The following CDH18 variants were observed in gnomAD, a reference collection of about 807,000 sequenced individuals.
CDH18 encodes the protein cadherin 18.
In CDH18, 31 loss-of-function variants were observed where a neutral mutation model predicts 67.9. The ratio of observed to expected loss-of-function variants is 0.46; its 90% CI spans 0.34 to 0.62. The LOEUF (loss-of-function observed/expected upper bound fraction) is 0.62, where lower values mean the gene tolerates loss of function less well. Ranked by LOEUF, CDH18 falls within the 20% of genes least tolerant of loss-of-function variation. CDH18 has a pLI of 0.01. For missense variants in CDH18, 890 were observed against 975.5 expected (o/e 0.91, Z 1.17); for synonymous variants, 362 against 347.2 (o/e 1.04, Z -0.48).
chr5:19,951,029 T>C (rs1465008593), intron 2 of CDH18, among the ~76,000 whole-genome samples: 3 of 152,180 alleles, frequency 2.0e-5, no homozygotes, highest in Admixed American at 6.6e-5. Context: ...GTTTATCTCA[T>C]GTTCTCATGG....
At chr5:19,857,717 T>C (rs1474379076) in intron 2 of CDH18, among the ~76,000 whole-genome samples, 1 of 152,134 alleles carries the variant, frequency 6.6e-6, no homozygotes, top group Non-Finnish European at 1.5e-5. Context: ...CAACAGAATA[T>C]ATGTTAATAA....
At position 20,358,433 on chromosome 5, in the gene CDH18, G is replaced by T. The variant is rs753160228; in HGVS notation, c.-579-102928C>A. 9.2e-4 allele frequency among the ~76,000 whole-genome samples: 140 copies of T among 152,262 alleles called. 1 individual carries two copies. Among genetic ancestry groups the T allele is most frequent in the Non-Finnish European group, 1.2e-3 (83 of 68,028 alleles). On this transcript the variant is annotated intron_variant, in intron 1 of 14. Transcript: ENST00000507958. ...CCCATTTCCTATCAGGTGATAAAGGGTACAGATATTTCTGATTATAGCTAG... is the reference window on the plus strand; with the variant it reads ...CCCATTTCCTATCAGGTGATAAAGGTTACAGATATTTCTGATTATAGCTAG...
chr5:20,567,831 A>G (rs1405226577), intron 1 of CDH18, among the ~76,000 whole-genome samples: 1 of 152,174 alleles, frequency 6.6e-6, no homozygotes, highest in Non-Finnish European at 1.5e-5. Flanking sequence ...TTCCTTGTCT[A>G]CTAGATGGAG....
intron 2 of CDH18, among the ~76,000 whole-genome samples, chr5:20,042,737 G>A (rs906450214): frequency 6.6e-6 from 1 of 152,124 alleles, no homozygotes; most frequent in African/African-American, 2.4e-5. Context: ...GCCGAGGACA[G>A]CAGATCATGA....
At chr5:20,443,984 C>CTT (rs1282343831) in intron 1 of CDH18, among the ~76,000 whole-genome samples, 1 of 151,878 alleles carries the variant, frequency 6.6e-6, no homozygotes, top group Non-Finnish European at 1.5e-5. Context: ...CTAATCTTGG[C>CTT]TTTTTCCTTA....
chr5:19,863,765 G>A (rs1329199134), intron 2 of CDH18, among the ~76,000 whole-genome samples: 1 of 152,162 alleles, frequency 6.6e-6, no homozygotes. Context: ...AAGAGACTGG[G>A]CAGCCACCAA....
intron 2 of CDH18, among the ~76,000 whole-genome samples, chr5:20,021,607 T>C (rs1738428675): frequency 6.6e-6 from 1 of 151,992 alleles, no homozygotes; most frequent in African/African-American, 2.4e-5. Context: ...TGACCATGTA[T>C]GTTAATAGCT....
intron 2 of CDH18, among the ~76,000 whole-genome samples, chr5:19,958,247 G>A (rs949655456): frequency 2.6e-5 from 4 of 151,332 alleles, no homozygotes; most frequent in African/African-American, 9.7e-5. Flanking sequence ...CTCAACCATT[G>A]ATCTAAGCCA....
At position 20,143,527 on chromosome 5, in the gene CDH18, C is replaced by T. The variant is rs574171912; in HGVS notation, c.-518+111917G>A. ...GGACTATACGCATGCACCGCTATGC[C>T]CAGATAATTTTTTCCCCCTCTTTAA... is the stretch of plus-strand genomic sequence containing the variant. On this transcript the variant is annotated intron_variant, in intron 2 of 14. Transcript: ENST00000507958. 7.2e-5 allele frequency among the ~76,000 whole-genome samples: 11 copies of T among 152,098 alleles called. No homozygotes were observed. The East Asian group carries it at 2.1e-3, about 29-fold the overall frequency.
chr5:19,771,882 G>C (rs1581270894), intron 3 of CDH18, among the ~76,000 whole-genome samples: 1 of 151,878 alleles, frequency 6.6e-6, no homozygotes, highest in Admixed American at 6.6e-5. Context: ...ACTTCATTTG[G>C]GACAGTTTAT....
At chr5:19,797,726 G>C (rs1777007012) in intron 3 of CDH18, among the ~76,000 whole-genome samples, 1 of 152,002 alleles carries the variant, frequency 6.6e-6, no homozygotes, top group African/African-American at 2.4e-5. Flanking sequence ...TTAACTGGGA[G>C]ACACAACAGA....
At chr5:20,083,338 G>T (rs1744649884) in intron 2 of CDH18, among the ~76,000 whole-genome samples, 2 of 152,268 alleles carry the variant, frequency 1.3e-5, no homozygotes, top group South Asian at 4.2e-4. Flanking sequence ...CTTTTATTAT[G>T]CTTTGCTTTG....
chr5:19,582,829 C>T (rs190838189), intron 7 of CDH18, among the ~76,000 whole-genome samples: 22 of 151,644 alleles, frequency 1.5e-4, no homozygotes, highest in Admixed American at 4.0e-4. Flanking sequence ...AAACAACATT[C>T]GATCCTTATT....
intron 1 of CDH18, among the ~76,000 whole-genome samples, chr5:20,529,602 C>A (rs1194683446): frequency 2.0e-5 from 3 of 151,902 alleles, no homozygotes; most frequent in Non-Finnish European, 1.5e-5. Flanking sequence ...AATCAATATA[C>A]GTAATTCATC....
intron 1 of CDH18, among the ~76,000 whole-genome samples, chr5:20,507,093 AG>A (rs1368043195): frequency 6.6e-6 from 1 of 152,240 alleles, no homozygotes; most frequent in Non-Finnish European, 1.5e-5. Context: ...CCCAGCCATC[AG>A]CCAGCAGTAT....
At chr5:20,239,808 G>A (rs1001380254) in intron 2 of CDH18, among the ~76,000 whole-genome samples, 3 of 151,838 alleles carry the variant, frequency 2.0e-5, no homozygotes, top group Non-Finnish European at 4.4e-5. Context: ...ACTGTTGCTT[G>A]CTTTTTGTTT....
intron 3 of CDH18, among the ~76,000 whole-genome samples, chr5:19,825,175 G>A (rs1226125330): frequency 2.0e-5 from 3 of 151,962 alleles, no homozygotes; most frequent in Non-Finnish European, 4.4e-5. Context: ...TCAGCAAGTG[G>A]GCACAGACTC....
chr5:20,441,966 C>G (rs959535014), intron 1 of CDH18, among the ~76,000 whole-genome samples: 1 of 151,846 alleles, frequency 6.6e-6, no homozygotes. Context: ...CAGAAATGGT[C>G]AGGCAAAATT....
chr5:19,637,226 C>T (rs997009211), intron 5 of CDH18, among the ~76,000 whole-genome samples: 3 of 143,410 alleles, frequency 2.1e-5, no homozygotes, highest in Non-Finnish European at 4.5e-5. Context: ...ATTATAATTG[C>T]ATATATTTAT....
Sources: gnomAD v4.1 joint callset for allele counts (sites outside exome capture counted in the v4.1 genomes callset) on GRCh38, gnomAD v4.1.1 for gene constraint, MANE v1.5 for transcripts, NCBI Gene and HGNC (gene_info 2026-07-23, HGNC 2026-07-21) for gene names.